GPM6B: variants seen among roughly 807,000 people sequenced by gnomAD.
GPM6B encodes the protein neuronal membrane glycoprotein M6-b.
Under a neutral mutation model 27.2 loss-of-function variants are expected in GPM6B, and 4 were observed. That is an observed-to-expected ratio of 0.15 (90% CI 0.07 to 0.34). The LOEUF (loss-of-function observed/expected upper bound fraction) is 0.34, where lower values mean the gene tolerates loss of function less well. Ranked by LOEUF, GPM6B falls within the 10% of genes least tolerant of loss-of-function variation. The pLI is 1.00. For synonymous variants in GPM6B, 124 were observed against 103.1 expected (o/e 1.20, Z -1.23); for missense variants, 183 against 261.9 (o/e 0.70, Z 2.08).
chrX:13,824,654 C>T (rs1047545698), intron 1 of GPM6B, among the ~76,000 whole-genome samples: 1 of 111,788 alleles, frequency 8.9e-6, no homozygotes, highest in Admixed American at 9.4e-5. Flanking sequence ...GGACTGCATA[C>T]TCACCTGAGG....
At chrX:13,845,709 C>T (rs749987005) in intron 1 of GPM6B, among the ~76,000 whole-genome samples, 1 of 111,209 alleles carries the variant, frequency 9.0e-6, no homozygotes, top group Non-Finnish European at 1.9e-5. Flanking sequence ...AATCAATTTT[C>T]AGTGGTTTGT....
chrX:13,824,898 C>T (rs1017324700), intron 1 of GPM6B, among the ~76,000 whole-genome samples: 6 of 111,792 alleles, frequency 5.4e-5, no homozygotes, highest in South Asian at 3.8e-4. Flanking sequence ...AAGGTGTGGG[C>T]GGGGCCGTGT....
chrX:13,818,832 T>C (rs1361382637), upstream of GPM6B, among the ~76,000 whole-genome samples: 1 of 112,653 alleles, frequency 8.9e-6, no homozygotes, highest in Admixed American at 9.4e-5. Flanking sequence ...TGGCAAGTGT[T>C]GGTATGTAAC....
intron 2 of GPM6B, among the ~76,000 whole-genome samples, chrX:13,794,563 T>C (rs866464119): frequency 9.9e-5 from 11 of 111,503 alleles, no homozygotes; most frequent in Middle Eastern, 4.6e-3. Context: ...AAGATGTTAT[T>C]TACTTTTTTC....
intron 1 of GPM6B, among the ~76,000 whole-genome samples, chrX:13,905,242 A>G (rs1402759377): frequency 1.9e-5 from 2 of 107,863 alleles, no homozygotes; most frequent in Non-Finnish European, 1.9e-5. Context: ...AAAAAAAAAA[A>G]AAAAGAAAAG....
At chrX:13,937,070 A>T (rs772883677) in intron 1 of GPM6B, among the ~76,000 whole-genome samples, 26 of 111,839 alleles carry the variant, frequency 2.3e-4, no homozygotes, top group Non-Finnish European at 1.1e-4. Flanking sequence ...TTTGTGTATG[A>T]GCCTCATTTA....
intron 1 of GPM6B, among the ~76,000 whole-genome samples, chrX:13,830,433 G>T (rs189710755): frequency 5.6e-4 from 63 of 112,246 alleles, no homozygotes; most frequent in African/African-American, 2.0e-3. Context: ...AGAAGGAAAG[G>T]GAAAGATAGG....
At chrX:13,925,518 G>A (rs1365947797) in intron 1 of GPM6B, among the ~76,000 whole-genome samples, 1 of 96,647 alleles carries the variant, frequency 1.0e-5, no homozygotes, top group African/African-American at 3.9e-5. Flanking sequence ...GGTAGAGATG[G>A]GGTCTCGCTA....
intron 1 of GPM6B, among the ~76,000 whole-genome samples, chrX:13,826,635 G>A (rs912125216): frequency 9.0e-6 from 1 of 110,838 alleles, no homozygotes; most frequent in Admixed American, 9.6e-5. Flanking sequence ...TTACTCAGAA[G>A]GCCGATGTGA....
intron 2 of GPM6B, among the ~76,000 whole-genome samples, chrX:13,803,601 G>T (rs950685223): frequency 3.6e-5 from 4 of 112,158 alleles, no homozygotes; most frequent in Non-Finnish European, 7.5e-5. Flanking sequence ...AGATTTAACT[G>T]TATATAAAGA....
intron 5 of GPM6B, 39 bp from the exon 6 acceptor site, chrX:13,777,464 T>C (rs1308212893): frequency 1.1e-6 from 1 of 939,900 alleles, no homozygotes. Flanking sequence ...GTACAAACTA[T>C]AGCGCCTCAT....
chrX:13,869,476 T>C (rs1389301315), intron 1 of GPM6B, among the ~76,000 whole-genome samples: 1 of 110,640 alleles, frequency 9.0e-6, no homozygotes, highest in East Asian at 2.8e-4. Context: ...GGGTGAACCG[T>C]ATGGTATGTA....
At chrX:13,836,835 G>A (rs763691844) in intron 1 of GPM6B, among the ~76,000 whole-genome samples, 1 of 112,530 alleles carries the variant, frequency 8.9e-6, no homozygotes, top group South Asian at 3.7e-4. Context: ...ATAGCTGTTT[G>A]CTAATGCATG....
chrX:13,775,297 C>T (rs757052991), intron 7 of GPM6B, among the ~76,000 whole-genome samples: 2 of 113,202 alleles, frequency 1.8e-5, no homozygotes, highest in East Asian at 2.8e-4. Flanking sequence ...GCACTTCTTT[C>T]GCAGTTATTA....
chrX:13,916,582 C>T (rs939557775), intron 1 of GPM6B, among the ~76,000 whole-genome samples: 7 of 110,952 alleles, frequency 6.3e-5, no homozygotes, highest in African/African-American at 2.0e-4. Flanking sequence ...CAGGCACCCA[C>T]GCCAAGCTAT....
At chrX:13,845,737 C>T (rs1033224479) in intron 1 of GPM6B, among the ~76,000 whole-genome samples, 2 of 111,223 alleles carry the variant, frequency 1.8e-5, no homozygotes, top group Admixed American at 1.9e-4. Context: ...TTTAGCGTTC[C>T]ACCACTTCTA....
chrX:13,774,203 C>G, intron 7 of GPM6B: 26 of 763,253 alleles, frequency 3.4e-5, no homozygotes, highest in Non-Finnish European at 3.9e-5. Flanking sequence ...ATCAGGCAAT[C>G]AAAAATAACA....
intron 1 of GPM6B, among the ~76,000 whole-genome samples, chrX:13,921,580 C>A (rs765095985): frequency 7.4e-5 from 4 of 54,207 alleles, no homozygotes; most frequent in Middle Eastern, 7.5e-3. Flanking sequence ...TAACCCCCCC[C>A]CTTTTTTTTT....
upstream of GPM6B, among the ~76,000 whole-genome samples, chrX:13,819,868 G>A (rs112957312): frequency 3.6e-5 from 4 of 112,069 alleles, no homozygotes; most frequent in African/African-American, 1.3e-4. Context: ...GTTGGCTATT[G>A]CAGTAATGCT....
Sources: gnomAD v4.1 joint callset for allele counts (sites outside exome capture counted in the v4.1 genomes callset) on GRCh38, gnomAD v4.1.1 for gene constraint, MANE v1.5 for transcripts, NCBI Gene and HGNC (gene_info 2026-07-23, HGNC 2026-07-21) for gene names.